Variants in MAX observed in about 807,000 individuals in gnomAD.
MAX encodes MYC associated transcriptional regulator X.
A neutral mutation model predicts 22.3 loss-of-function variants in MAX; 3 were observed. That is an observed-to-expected ratio of 0.13 (90% CI 0.06 to 0.35). The LOEUF is 0.35. MAX is among the 10% of genes least tolerant of loss of function. The pLI is 1.00. For synonymous variants in MAX, 72 were observed against 77.7 expected (o/e 0.93, Z 0.39); for missense variants, 119 against 209.4 (o/e 0.57, Z 2.66).
chr14:65,061,535 C>A, intron 3 of MAX: 1 of 644,938 alleles, frequency 1.6e-6, no homozygotes. Context: ...AAAAATCTAT[C>A]AGCCCACGTG....
exon 4 of MAX, chr14:65,006,207 G>C (rs759435096): frequency 1.3e-6 from 2 of 1,594,234 alleles, no homozygotes; most frequent in Non-Finnish European, 1.7e-6. Flanking sequence ...TTTCTGATTA[G>C]CCATGGCAGA....
Position 65,069,689 on chromosome 14 carries a change from CCCA to C in MAX, c.171+24016_171+24018del, listed in dbSNP as rs1156444776. Among the ~76,000 whole-genome samples, 1 of 152,160 alleles carries C rather than the reference CCCA, an allele frequency of 6.6e-6. No individual in the cohort carries two copies. The highest frequency in any genetic ancestry group is 1.5e-5 in the Non-Finnish European group (1 of 68,020). On this transcript the variant is annotated intron_variant, in intron 3 of 3. Coordinates refer to the MAX transcript ENST00000341653. This position sits in a 1 kb window ranked among gnomAD's most constrained non-coding sequence, Gnocchi z 4.6. ...ATATGCATGCAGCATTTGTAGAGTA[CCCA>C]CCACAAGCCAAGCACAGTGCTAGGA...
chr14:65,020,872 CA>C (rs2061873968), intron 3 of MAX, among the ~76,000 whole-genome samples: 2 of 151,422 alleles, frequency 1.3e-5, no homozygotes, highest in African/African-American at 4.9e-5. Context: ...GCTAGGATTA[CA>C]GGGGTGTGCC....
At chr14:65,061,334 C>A in intron 3 of MAX, 1 of 1,612,994 alleles carries the variant, frequency 6.2e-7, no homozygotes, top group Middle Eastern at 1.9e-4. Flanking sequence ...CCCGGCAGCT[C>A]TTTGCTCACC....
rs756074049 is a variant in MAX, at chr14:65,084,207, C to G, written c.172-6171G>C. ...AAATCTTGCATTCTTTTTTCTTGTG[C>G]ACTTGGTAGCTTGAAATGAAGGTGT... On this transcript the variant is annotated intron_variant, in intron 3 of 4. Coordinates refer to ENST00000358664, the MANE Select transcript of MAX (RefSeq NM_002382.5). This position sits in a 1 kb window ranked among gnomAD's most constrained non-coding sequence, Gnocchi z 4.3. 6.2e-7 allele frequency: 1 copy of G among 1,613,996 alleles called. No individual in the cohort carries two copies. Among genetic ancestry groups the G allele is most frequent in the South Asian group, 1.1e-5 (1 of 91,072 alleles).
chr14:65,095,120 A>G (rs1429987721), intron 2 of MAX, among the ~76,000 whole-genome samples: 1 of 152,232 alleles, frequency 6.6e-6, no homozygotes, highest in Non-Finnish European at 1.5e-5. Context: ...ATTTAATCCT[A>G]AAAGTCCCAG....
chr14:65,021,128 T>C (rs1366945675), intron 3 of MAX, among the ~76,000 whole-genome samples: 1 of 152,250 alleles, frequency 6.6e-6, no homozygotes, highest in Non-Finnish European at 1.5e-5. Flanking sequence ...TTGCTTTGCT[T>C]AATGGTTTTG....
chr14:65,084,312 C>T lies in MAX; in HGVS notation c.172-6276G>A, dbSNP rs373825331. 2.1e-6 allele frequency: 3 copies of T among 1,430,648 alleles called. No homozygotes were observed. Among genetic ancestry groups the T allele is most frequent in the East Asian group, 2.3e-5 (1 of 44,006 alleles). The allele number at this position is 1,430,648 out of a possible 1,614,324, so 88.6% of individuals were successfully genotyped here. A position where few individuals can be genotyped will look rare whatever the true frequency, so the allele number is the denominator to read the frequency against. ...AGAGGAAATAGAGCTAGTAAATAAA[C>T]ATGTGGAAAAGCAATTAATTTCACA... is the stretch of plus-strand genomic sequence containing the variant. On this transcript the variant is annotated intron_variant, in intron 3 of 4. Coordinates refer to ENST00000358664, the MANE Select transcript of MAX (RefSeq NM_002382.5). This position sits in a 1 kb window ranked among gnomAD's most constrained non-coding sequence, Gnocchi z 4.3.
Position 65,011,742 on chromosome 14 carries a change from A to T in MAX, c.172-5458T>A, listed in dbSNP as rs1000029483. Among the ~76,000 whole-genome samples the T allele has an allele frequency of 6.6e-6, 1 of 152,208 alleles. No individual in the cohort carries two copies. Among genetic ancestry groups the T allele is most frequent in the Middle Eastern group, 3.2e-3 (1 of 316 alleles). ...TATTGCTGACTTGAAAGCCAAGGAC[A>T]GCGACTGGCTGCAGAACACGGTCCT... On this transcript the variant is annotated intron_variant, in intron 3 of 3. Coordinates refer to the MAX transcript ENST00000341653. This position sits in a 1 kb window ranked among gnomAD's most constrained non-coding sequence, Gnocchi z 4.0.
chr14:65,066,054 G>A (rs2062928587), intron 3 of MAX, among the ~76,000 whole-genome samples: 1 of 152,202 alleles, frequency 6.6e-6, no homozygotes, highest in African/African-American at 2.4e-5. Context: ...TCGGGGAATA[G>A]GGGGCACTGG....
intron 3 of MAX, among the ~76,000 whole-genome samples, chr14:65,086,946 A>G (rs1227680371): frequency 6.6e-6 from 1 of 152,196 alleles, no homozygotes; most frequent in Non-Finnish European, 1.5e-5. Flanking sequence ...CAGGGTCCAC[A>G]GGTTGTATGC....
chr14:65,008,695 G>A (rs2061634898), intron 3 of MAX, among the ~76,000 whole-genome samples: 1 of 152,240 alleles, frequency 6.6e-6, no homozygotes, highest in Admixed American at 6.5e-5. Flanking sequence ...GAGACTGAAA[G>A]GAGCGGAGCT....
intron 3 of MAX, among the ~76,000 whole-genome samples, chr14:65,034,834 ATGT>A (rs2062154366): frequency 6.6e-6 from 1 of 152,020 alleles, no homozygotes; most frequent in Non-Finnish European, 1.5e-5. Flanking sequence ...GTGCTGAGTG[ATGT>A]TGTGTTGTGT....
rs1219797337 is a variant in MAX at position 65,062,817 on chromosome 14, T to G, written c.171+30891A>C. ...CATCCTCACATGCCGTCTCCTCCAG[T>G]AGAGGAAGCCGTGGGCCTAACAGAG... On this transcript the variant is annotated intron_variant, in intron 3 of 3. Transcript: ENST00000341653. This position sits in a 1 kb window ranked among gnomAD's most constrained non-coding sequence, Gnocchi z 4.3. Among the ~76,000 whole-genome samples the G allele has an allele frequency of 6.6e-6, 1 of 152,146 alleles. No homozygotes were observed. Among genetic ancestry groups the G allele is most frequent in the African/African-American group, 2.4e-5 (1 of 41,442 alleles).
intron 3 of MAX, among the ~76,000 whole-genome samples, chr14:65,025,143 C>G (rs2061956550): frequency 6.6e-6 from 1 of 152,120 alleles, no homozygotes; most frequent in African/African-American, 2.4e-5. Flanking sequence ...CAGCCCCAGA[C>G]AGTCAGATGC....
intron 3 of MAX, among the ~76,000 whole-genome samples, chr14:65,055,526 T>C (rs1394550947): frequency 6.6e-6 from 1 of 152,118 alleles, no homozygotes; most frequent in Non-Finnish European, 1.5e-5. Flanking sequence ...ATTTTTAATT[T>C]TTTTTTGTGA....
At chr14:65,087,104 C>A (rs7154852) in intron 3 of MAX, among the ~76,000 whole-genome samples, 40,600 of 152,126 alleles carry the variant, frequency 0.27, 6,083 homozygotes, top group Non-Finnish European at 0.34. Context: ...GAACAGAAGT[C>A]AAGAATTGGG....
Position 65,049,953 on chromosome 14 carries a change from A to G in MAX, c.172-43669T>C, listed in dbSNP as rs1328795021. 2.0e-5 allele frequency among the ~76,000 whole-genome samples: 3 copies of G among 152,154 alleles called. No individual in the cohort carries two copies. The East Asian group carries it at 5.8e-4, about 29-fold the overall frequency. On this transcript the variant is annotated intron_variant, in intron 3 of 3. Coordinates refer to the MAX transcript ENST00000341653. ...AAATCGTGAAGGAAAAATCAATAGT[A>G]TGATTACAATATTAAGTATAAAACA...
At chr14:65,033,682 C>T (rs2062130589) in intron 3 of MAX, among the ~76,000 whole-genome samples, 1 of 152,068 alleles carries the variant, frequency 6.6e-6, no homozygotes, top group African/African-American at 2.4e-5. Flanking sequence ...ATGGTGACAC[C>T]CCGTCTCTAC....
Sources: allele counts gnomAD v4.1 joint callset (sites outside exome capture counted in the v4.1 genomes callset), GRCh38; gene constraint gnomAD v4.1.1; non-coding constraint Gnocchi (gnomAD v3.1); transcripts MANE v1.5; gene names NCBI Gene and HGNC (gene_info 2026-07-23, HGNC 2026-07-21).